Variants in TBC1D30 observed in about 807,000 individuals in gnomAD.
TBC1D30 encodes the protein TBC1 domain family, member 30.
A neutral mutation model predicts 63.2 loss-of-function variants in TBC1D30; 31 were observed. The ratio of observed to expected loss-of-function variants is 0.49; its 90% CI spans 0.37 to 0.66. TBC1D30 has a LOEUF of 0.66. Among genes scored for constraint, TBC1D30 ranks in the 30% least tolerant of loss-of-function variants. The probability of loss-of-function intolerance (pLI) is 0.00; values close to 1 mark genes in which losing one functional copy is unlikely to be tolerated. For missense variants in TBC1D30, 810 were observed against 953.6 expected, an observed-to-expected ratio of 0.85 and a Z score of 1.98; for synonymous variants, 307 against 361.5, an observed-to-expected ratio of 0.85 and a Z score of 1.71.
chr12:64,791,292 G>A (rs922953808), intron 2 of TBC1D30, among the ~76,000 whole-genome samples: 1 of 152,088 alleles, frequency 6.6e-6, no homozygotes, highest in African/African-American at 2.4e-5. Flanking sequence ...ACTACTAATG[G>A]TATAGGTTTC....
At chr12:64,871,619 G>C (rs572508189) in intron 11 of TBC1D30, among the ~76,000 whole-genome samples, 1 of 152,294 alleles carries the variant, frequency 6.6e-6, no homozygotes, top group Admixed American at 6.5e-5. Flanking sequence ...ACTTTATCCT[G>C]AGTCATTAAG....
chr12:64,819,808 C>T (rs1873780244), upstream of TBC1D30, among the ~76,000 whole-genome samples: 1 of 152,220 alleles, frequency 6.6e-6, no homozygotes, highest in African/African-American at 2.4e-5. Flanking sequence ...GCTGTTTACA[C>T]ATGTTCAAAA....
chr12:64,812,216 A>C lies in TBC1D30; in HGVS notation c.644-15619A>C, dbSNP rs17100691. On this transcript the variant is annotated intron_variant, in intron 2 of 12. Transcript: ENST00000542120. Reference sequence around the variant, plus strand: ...TGTTTTTTTCCTATGCCTAGGAAAAAATTACCCTATTGATATATGCATACA... The same window carrying C: ...TGTTTTTTTCCTATGCCTAGGAAAACATTACCCTATTGATATATGCATACA... 8.6e-3 allele frequency among the ~76,000 whole-genome samples: 1,307 copies of C among 152,220 alleles called. 19 individuals carry two copies. The highest frequency in any genetic ancestry group is 0.03 in the African/African-American group (1,237 of 41,530).
intron 1 of TBC1D30, among the ~76,000 whole-genome samples, chr12:64,773,616 G>A (rs924020474): frequency 6.6e-6 from 1 of 152,190 alleles, no homozygotes; most frequent in African/African-American, 2.4e-5. Flanking sequence ...TCCCTGGGAT[G>A]GAGCTCTCAG....
intron 6 of TBC1D30, among the ~76,000 whole-genome samples, chr12:64,837,597 G>C (rs777224193): frequency 6.6e-6 from 1 of 152,134 alleles, no homozygotes; most frequent in Non-Finnish European, 1.5e-5. Flanking sequence ...ACAATGGGGA[G>C]TGGCTGTAAA....
chr12:64,793,570 G>A (rs926991086), intron 2 of TBC1D30, among the ~76,000 whole-genome samples: 2 of 151,930 alleles, frequency 1.3e-5, no homozygotes, highest in Non-Finnish European at 1.5e-5. Context: ...TGAGGCAGGA[G>A]AATTGCTTAA....
chr12:64,793,003 C>G (rs1373314942), intron 2 of TBC1D30, among the ~76,000 whole-genome samples: 1 of 152,054 alleles, frequency 6.6e-6, no homozygotes, highest in Admixed American at 6.6e-5. Context: ...TGGCCTACTT[C>G]TAGGAGCAGG....
At chr12:64,857,814 G>GC (rs1877438670) in intron 8 of TBC1D30, among the ~76,000 whole-genome samples, 1 of 152,210 alleles carries the variant, frequency 6.6e-6, no homozygotes, top group Non-Finnish European at 1.5e-5. Context: ...TGGTTCAAAT[G>GC]CCCCCTCTGT....
intron 1 of TBC1D30, among the ~76,000 whole-genome samples, chr12:64,765,519 A>AAAAAT (rs1212924246): frequency 6.8e-6 from 1 of 148,126 alleles, no homozygotes; most frequent in Non-Finnish European, 1.5e-5. Flanking sequence ...AAAAAAAAAA[A>AAAAAT]ATTACTATAT....
chr12:64,795,363 A>G (rs1317716079), intron 2 of TBC1D30, among the ~76,000 whole-genome samples: 4 of 152,276 alleles, frequency 2.6e-5, no homozygotes, highest in Non-Finnish European at 1.5e-5. Flanking sequence ...GTTTTAGGTA[A>G]GGTACTCACC....
chr12:64,849,843 AATCT>A (rs1876711231), intron 8 of TBC1D30, among the ~76,000 whole-genome samples: 1 of 152,164 alleles, frequency 6.6e-6, no homozygotes, highest in Non-Finnish European at 1.5e-5. Context: ...GATAGCATTG[AATCT>A]GTAAATTACT....
At chr12:64,846,183 T>C (rs1876361928) in intron 8 of TBC1D30, among the ~76,000 whole-genome samples, 1 of 152,006 alleles carries the variant, frequency 6.6e-6, no homozygotes, top group Non-Finnish European at 1.5e-5. Context: ...TTTTCTTTGC[T>C]GTGCAGGAGC....
chr12:64,823,778 C>A (rs1042541584), upstream of TBC1D30, among the ~76,000 whole-genome samples: 8 of 152,144 alleles, frequency 5.3e-5, no homozygotes, highest in Non-Finnish European at 1.2e-4. Context: ...GCATGCTGTT[C>A]CATCATCCTG....
At chr12:64,781,034 A>G in exon 1 of TBC1D30, 1 of 1,026,432 alleles carries the variant, frequency 9.7e-7, no homozygotes. Context: ...CGGCCGCACA[A>G]GCCGCACGGC....
exon 1 of TBC1D30, chr12:64,781,099 G>C (rs1452429999): frequency 2.0e-6 from 2 of 1,004,178 alleles, no homozygotes; most frequent in Non-Finnish European, 2.4e-6. Context: ...AGGAGGAGGA[G>C]GCGGCGGGCG....
chr12:64,802,690 C>A (rs1331848206), intron 2 of TBC1D30, among the ~76,000 whole-genome samples: 1 of 152,076 alleles, frequency 6.6e-6, no homozygotes, highest in Non-Finnish European at 1.5e-5. Context: ...TGTTCCCCAT[C>A]CTGTGTCCAA....
At chr12:64,766,504 A>T (rs1179378003) in intron 1 of TBC1D30, among the ~76,000 whole-genome samples, 5 of 152,334 alleles carry the variant, frequency 3.3e-5, no homozygotes, top group African/African-American at 1.2e-4. Flanking sequence ...AAGATATAAC[A>T]ATTATAAATA....
rs923730992 is a variant in TBC1D30 at position 64,843,461 on chromosome 12, T to C, written c.1014T>C (p.Leu338=). The part of the protein sequence containing the change: ...RLTQEMLEND[L]LQSHELMQTV... ...CCCAGGAGATGCTAGAGAATGATCTTCTGCAAAGCCATGAACTCATGCAGG... is the reference window on the plus strand; with the variant it reads ...CCCAGGAGATGCTAGAGAATGATCTCCTGCAAAGCCATGAACTCATGCAGG... Residue 338 remains leucine, a synonymous_variant, in exon 8 of 12, where the codon CTT becomes CTC. Coordinates refer to ENST00000539867, the MANE Select transcript of TBC1D30 (RefSeq NM_015279.2). 6 of 1,536,180 alleles carry C rather than the reference T, an allele frequency of 3.9e-6. No individual in the cohort carries two copies. The highest frequency in any genetic ancestry group is 5.2e-6 in the Non-Finnish European group (6 of 1,146,912).
chr12:64,848,501 A>G (rs958372127), intron 8 of TBC1D30, among the ~76,000 whole-genome samples: 1 of 151,648 alleles, frequency 6.6e-6, no homozygotes, highest in Non-Finnish European at 1.5e-5. Flanking sequence ...TTCAGCTCCC[A>G]CTTATAAGTG....
Sources: allele counts gnomAD v4.1 joint callset (sites outside exome capture counted in the v4.1 genomes callset), GRCh38; gene constraint gnomAD v4.1.1; transcripts MANE v1.5; gene names NCBI Gene and HGNC (gene_info 2026-07-23, HGNC 2026-07-21).